Variants in TAFA5 observed in about 807,000 individuals in gnomAD.
The protein encoded by TAFA5 is chemokine-like protein TAFA-5.
A neutral mutation model predicts 15.3 loss-of-function variants in TAFA5; 6 were observed. The observed-to-expected ratio is 0.39, with a 90% confidence interval of 0.21 to 0.77. The LOEUF is 0.77. Ranked by LOEUF, TAFA5 falls within the 30% of genes least tolerant of loss-of-function variation. TAFA5 has a pLI of 0.41. For missense variants in TAFA5, 161 were observed against 193.1 expected, an observed-to-expected ratio of 0.83 and a Z score of 0.98; for synonymous variants, 103 against 80.7, an observed-to-expected ratio of 1.28 and a Z score of -1.48.
chr22:48,491,437 G>T (rs190577934), intron 1 of TAFA5, among the ~76,000 whole-genome samples: 4 of 152,292 alleles, frequency 2.6e-5, no homozygotes, highest in African/African-American at 9.6e-5. Context: ...GGGAGGGGCT[G>T]TAGTGCCCTG....
At chr22:48,590,099 CAAG>C (rs1401908046) in intron 1 of TAFA5, among the ~76,000 whole-genome samples, 1 of 152,004 alleles carries the variant, frequency 6.6e-6, no homozygotes, top group Non-Finnish European at 1.5e-5. Flanking sequence ...CACCTTGTCT[CAAG>C]GAGGACCTGG....
chr22:48,575,324 G>T (rs886584773), intron 1 of TAFA5, among the ~76,000 whole-genome samples: 171 of 151,418 alleles, frequency 1.1e-3, no homozygotes, highest in Non-Finnish European at 9.7e-4. Context: ...GCGCTGCAGG[G>T]CGGGGTCCCC....
chr22:48,591,911 C>T (rs1408916765), intron 1 of TAFA5, among the ~76,000 whole-genome samples: 2 of 152,200 alleles, frequency 1.3e-5, no homozygotes, highest in African/African-American at 4.8e-5. Context: ...TGTCTGTCTC[C>T]CCAGGCAGGT....
intron 3 of TAFA5, among the ~76,000 whole-genome samples, chr22:48,717,787 G>T (rs7291946): frequency 0.063 from 9,522 of 152,300 alleles, 359 homozygotes; most frequent in Admixed American, 0.095. Context: ...TCTGAGGGGG[G>T]TGATGGCCCA....
chr22:48,745,910 G>GGGCC (rs778348825), intron 3 of TAFA5, among the ~76,000 whole-genome samples: 1 of 152,196 alleles, frequency 6.6e-6, no homozygotes, highest in Non-Finnish European at 1.5e-5. Flanking sequence ...AGAGGAGGGC[G>GGGCC]GGCCGGTGAG....
At chr22:48,581,833 C>T (rs746585978) in intron 1 of TAFA5, among the ~76,000 whole-genome samples, 14 of 152,242 alleles carry the variant, frequency 9.2e-5, no homozygotes, top group African/African-American at 2.2e-4. Flanking sequence ...TAGGGAGCAG[C>T]GCACGCAGGC....
intron 1 of TAFA5, among the ~76,000 whole-genome samples, chr22:48,500,165 A>T (rs1053749641): frequency 6.6e-6 from 1 of 152,036 alleles, no homozygotes; most frequent in African/African-American, 2.4e-5. Context: ...GATGATAAAA[A>T]CGGAGGTGAC....
intron 1 of TAFA5, among the ~76,000 whole-genome samples, chr22:48,628,589 C>G (rs1055143874): frequency 6.6e-6 from 1 of 152,200 alleles, no homozygotes; most frequent in African/African-American, 2.4e-5. Flanking sequence ...TTCGCCACCC[C>G]CTCCAGGAGA....
At chr22:48,498,679 C>T (rs1230517276) in intron 1 of TAFA5, among the ~76,000 whole-genome samples, 1 of 152,088 alleles carries the variant, frequency 6.6e-6, no homozygotes, top group Non-Finnish European at 1.5e-5. Flanking sequence ...AGGGGTCTGC[C>T]TGTACATGGC....
At chr22:48,694,233 T>TGGGAGGACCAGCA (rs2147240638) in intron 2 of TAFA5, among the ~76,000 whole-genome samples, 1 of 152,278 alleles carries the variant, frequency 6.6e-6, no homozygotes, top group East Asian at 1.9e-4. Context: ...TACCAGTCCC[T>TGGGAGGACCAGCA]GGGAGGACCA....
chr22:48,534,229 G>A (rs1413179607), intron 1 of TAFA5, among the ~76,000 whole-genome samples: 2 of 150,608 alleles, frequency 1.3e-5, no homozygotes, highest in African/African-American at 4.9e-5. Context: ...AGTCAGGTGC[G>A]GTGGGTCAGG....
intron 1 of TAFA5, among the ~76,000 whole-genome samples, chr22:48,634,715 TCTCATTCATCTA>T (rs577137515): frequency 3.5e-4 from 53 of 151,896 alleles, no homozygotes; most frequent in African/African-American, 1.3e-3. Flanking sequence ...TCATTCACCC[TCTCATTCATCTA>T]CTCATTCACT....
intron 1 of TAFA5, among the ~76,000 whole-genome samples, chr22:48,500,679 C>T (rs1166233828): frequency 1.3e-5 from 2 of 152,242 alleles, no homozygotes; most frequent in Admixed American, 1.3e-4. Flanking sequence ...GACGACGTGG[C>T]TAATTGGGAA....
intron 2 of TAFA5, among the ~76,000 whole-genome samples, chr22:48,692,687 G>A (rs1928579013): frequency 6.6e-6 from 1 of 152,240 alleles, no homozygotes; most frequent in South Asian, 2.1e-4. Flanking sequence ...TGTAGGATGG[G>A]GAACTCCGCA....
intron 1 of TAFA5, among the ~76,000 whole-genome samples, chr22:48,563,754 G>A (rs1431777185): frequency 6.6e-6 from 1 of 152,202 alleles, no homozygotes; most frequent in Non-Finnish European, 1.5e-5. Flanking sequence ...GCTCCTGGGA[G>A]GACACCAGCT....
At chr22:48,603,195 C>T (rs1347147920) in intron 1 of TAFA5, among the ~76,000 whole-genome samples, 1 of 152,258 alleles carries the variant, frequency 6.6e-6, no homozygotes, top group Non-Finnish European at 1.5e-5. Context: ...TTCCTCTGGG[C>T]CCTCTCCTCC....
chr22:48,703,728 G>A (rs1414415738), intron 2 of TAFA5, among the ~76,000 whole-genome samples: 1 of 152,252 alleles, frequency 6.6e-6, no homozygotes, highest in Non-Finnish European at 1.5e-5. Context: ...GGTAGTGAAG[G>A]ATTTGGGCCC....
intron 1 of TAFA5, among the ~76,000 whole-genome samples, chr22:48,579,044 G>C (rs916182772): frequency 1.6e-4 from 25 of 152,336 alleles, no homozygotes; most frequent in Middle Eastern, 3.4e-3. Flanking sequence ...GTTTTCTTCA[G>C]GGGTGAAGAA....
intron 1 of TAFA5, among the ~76,000 whole-genome samples, chr22:48,505,946 C>G (rs1296517265): frequency 6.6e-6 from 1 of 152,246 alleles, no homozygotes; most frequent in Non-Finnish European, 1.5e-5. Flanking sequence ...CTCGGACCTA[C>G]AGAGACACTC....
Sources: gnomAD v4.1 joint callset for allele counts (sites outside exome capture counted in the v4.1 genomes callset) on GRCh38, gnomAD v4.1.1 for gene constraint, MANE v1.5 for transcripts, NCBI Gene and HGNC (gene_info 2026-07-23, HGNC 2026-07-21) for gene names.